Variants in EYS observed in about 807,000 individuals in gnomAD.
The protein encoded by EYS is protein eyes shut homolog.
EYS carries 250 observed loss-of-function variants against 282.1 expected under a neutral mutation model. That is an observed-to-expected ratio of 0.89 (90% CI 0.80 to 0.98). The LOEUF is 0.98. EYS is among the 50% of genes least tolerant of loss of function. The probability of loss-of-function intolerance (pLI) is 0.00; values close to 1 mark genes in which losing one functional copy is unlikely to be tolerated. For synonymous variants in EYS, 1,355 were observed against 1,282.9 expected (o/e 1.06, Z -1.20); for missense variants, 4,016 against 3,709.0 (o/e 1.08, Z -2.15).
chr6:65,632,507 C>A (rs1225689473), intron 2 of EYS, among the ~76,000 whole-genome samples: 1 of 152,022 alleles, frequency 6.6e-6, no homozygotes, highest in African/African-American at 2.4e-5. Flanking sequence ...TAAAGAGCTC[C>A]CTTGGTGCGG....
At chr6:63,999,036 G>T in intron 34 of EYS, 39 bp downstream of exon 34, 1 of 1,199,910 alleles carries the variant, frequency 8.3e-7, no homozygotes, top group Non-Finnish European at 1.2e-6. Flanking sequence ...AATACTGAGG[G>T]CACAATTAGT....
chr6:65,356,676 T>C (rs1185864483), intron 8 of EYS, among the ~76,000 whole-genome samples: 1 of 152,060 alleles, frequency 6.6e-6, no homozygotes, highest in Non-Finnish European at 1.5e-5. Flanking sequence ...TAGATAAAAT[T>C]TGGATTTAGA....
At chr6:63,832,542 A>T (rs1008947548) in intron 36 of EYS, among the ~76,000 whole-genome samples, 2 of 152,216 alleles carry the variant, frequency 1.3e-5, no homozygotes, top group African/African-American at 2.4e-5. Flanking sequence ...TGAATAGACC[A>T]ATAACAGGCT....
chr6:64,079,468 G>A (rs1771886184), intron 32 of EYS, among the ~76,000 whole-genome samples: 1 of 152,146 alleles, frequency 6.6e-6, no homozygotes, highest in South Asian at 2.1e-4. Context: ...TTTAGAAAGT[G>A]TAGAATGATG....
chr6:64,294,796 T>C (rs773642677), intron 30 of EYS, among the ~76,000 whole-genome samples: 11 of 152,176 alleles, frequency 7.2e-5, no homozygotes, highest in Non-Finnish European at 1.5e-4. Context: ...ATTTAAAAAA[T>C]TAAGATTATA....
At chr6:64,999,000 A>G (rs985188365) in intron 13 of EYS, among the ~76,000 whole-genome samples, 1 of 152,232 alleles carries the variant, frequency 6.6e-6, no homozygotes, top group Non-Finnish European at 1.5e-5. Flanking sequence ...AACGCAAAGG[A>G]CAACAAAAGG....
rs111911931 is a variant in EYS, at chr6:64,600,962, A to G, written c.3685-7653T>C. Reference sequence around the variant, plus strand: ...ACTAGGACTGTTATAGTGAAATTCCAGAAATCCTATTGTGCTGTTAAATAC... The same window carrying G: ...ACTAGGACTGTTATAGTGAAATTCCGGAAATCCTATTGTGCTGTTAAATAC... On this transcript the variant is annotated intron_variant, in intron 24 of 42. Transcript: ENST00000503581. Among the ~76,000 whole-genome samples the G allele has an allele frequency of 6.3e-3, 964 of 152,216 alleles. 4 individuals carry two copies. Among genetic ancestry groups the G allele is most frequent in the Non-Finnish European group, 0.011 (734 of 67,936 alleles).
At chr6:64,600,102 GA>G (rs574411056) in intron 24 of EYS, among the ~76,000 whole-genome samples, 4 of 152,022 alleles carry the variant, frequency 2.6e-5, no homozygotes, top group African/African-American at 9.7e-5. Flanking sequence ...ACATAATACA[GA>G]AAAAACCCAG....
intron 36 of EYS, among the ~76,000 whole-genome samples, chr6:63,808,993 G>A (rs559267203): frequency 6.6e-6 from 1 of 152,198 alleles, no homozygotes; most frequent in East Asian, 1.9e-4. Flanking sequence ...TATTTCTATT[G>A]AATGGCAACG....
intron 12 of EYS, among the ~76,000 whole-genome samples, chr6:65,186,437 C>T (rs965003503): frequency 4.0e-5 from 6 of 151,626 alleles, no homozygotes; most frequent in Non-Finnish European, 8.9e-5. Context: ...GTGTCTGAGT[C>T]TATTGGTTTT....
intron 22 of EYS, among the ~76,000 whole-genome samples, chr6:64,650,327 AATTT>A (rs1448516227): frequency 2.0e-5 from 3 of 151,970 alleles, no homozygotes; most frequent in Non-Finnish European, 4.4e-5. Flanking sequence ...GTAACACATT[AATTT>A]AACATTAATT....
At chr6:64,924,952 CCAGTTCCAAAGT>C (rs1768469041) in intron 15 of EYS, among the ~76,000 whole-genome samples, 1 of 152,156 alleles carries the variant, frequency 6.6e-6, no homozygotes, top group Non-Finnish European at 1.5e-5. Context: ...TGACTATTAC[CCAGTTCCAAAGT>C]CACTTCCACG....
chr6:64,280,669 T>G (rs896405308), intron 30 of EYS, among the ~76,000 whole-genome samples: 1 of 152,144 alleles, frequency 6.6e-6, no homozygotes, highest in Admixed American at 6.6e-5. Context: ...ATTCTCTAGA[T>G]TGCAAGAAAT....
intron 41 of EYS, among the ~76,000 whole-genome samples, chr6:63,743,587 AGG>A (rs1769137279): frequency 6.6e-6 from 1 of 152,134 alleles, no homozygotes; most frequent in Non-Finnish European, 1.5e-5. Context: ...ATGGAAGGAC[AGG>A]GCAATTTTTG....
intron 2 of EYS, among the ~76,000 whole-genome samples, chr6:65,547,436 TAATG>T (rs1290243431): frequency 2.0e-5 from 3 of 152,002 alleles, no homozygotes; most frequent in Non-Finnish European, 2.9e-5. Flanking sequence ...AATATTACAG[TAATG>T]AATGTTTTAT....
intron 35 of EYS, among the ~76,000 whole-genome samples, chr6:63,963,638 CTA>C (rs1766180640): frequency 6.6e-6 from 1 of 152,136 alleles, no homozygotes; most frequent in South Asian, 2.1e-4. Flanking sequence ...TTGTCACAGA[CTA>C]TGGGTTTTCA....
intron 31 of EYS, among the ~76,000 whole-genome samples, chr6:64,149,840 T>C (rs1774642118): frequency 6.6e-6 from 1 of 152,224 alleles, no homozygotes; most frequent in African/African-American, 2.4e-5. Flanking sequence ...ACTAGCTGTG[T>C]GACACTGAGC....
chr6:64,102,768 C>T (rs774313713), intron 31 of EYS, among the ~76,000 whole-genome samples: 34 of 152,028 alleles, frequency 2.2e-4, no homozygotes, highest in Admixed American at 8.5e-4. Context: ...ATTGTAAAAG[C>T]GACATTACCA....
At position 65,118,878 on chromosome 6, in the gene EYS, G is replaced by GA. The variant is rs528289808; in HGVS notation, c.2024-61152dup. 6.9e-3 allele frequency among the ~76,000 whole-genome samples: 602 copies of GA among 87,266 alleles called. 2 individuals carry two copies. The highest frequency in any genetic ancestry group is 0.01 in the South Asian group (36 of 3,432). The allele number at this position is 87,266 out of a possible 152,430, so 57.2% of individuals were successfully genotyped here. On this transcript the variant is annotated intron_variant, in intron 12 of 42. Coordinates refer to ENST00000503581, the MANE Select transcript of EYS (RefSeq NM_001142800.2). The stretch of plus-strand genomic sequence containing the variant: ...AAACAAGTTTCACAGGTTCTTTAAG[G>GA]AAAAAAAAAAAAAGAAATAGCTGAC...
Sources: allele counts gnomAD v4.1 joint callset (sites outside exome capture counted in the v4.1 genomes callset), GRCh38; gene constraint gnomAD v4.1.1; transcripts MANE v1.5; gene names NCBI Gene and HGNC (gene_info 2026-07-23, HGNC 2026-07-21).